MTCL1: variants seen among roughly 807,000 people sequenced by gnomAD.
MTCL1 encodes microtubule cross-linking factor 1.
Under a neutral mutation model 141.4 loss-of-function variants are expected in MTCL1, and 79 were observed. The observed-to-expected ratio is 0.56, with a 90% confidence interval of 0.47 to 0.67. The LOEUF (loss-of-function observed/expected upper bound fraction) is 0.67. Among genes scored for constraint, MTCL1 ranks in the 30% least tolerant of loss-of-function variants. The pLI is 0.00. For synonymous variants in MTCL1, 914 were observed against 875.8 expected (o/e 1.04, Z -0.77); for missense variants, 2,177 against 2,113.9 (o/e 1.03, Z -0.59).
At chr18:8,783,686 C>A (rs1383469959) in exon 6 of MTCL1, 4 of 1,610,694 alleles carry the variant, frequency 2.5e-6, no homozygotes, top group Non-Finnish European at 3.4e-6. Flanking sequence ...CAGTCCCCTG[C>A]CCACGGGGGA....
intron 10 of MTCL1, among the ~76,000 whole-genome samples, chr18:8,804,959 C>A (rs1598742406): frequency 6.8e-6 from 1 of 146,104 alleles, no homozygotes; most frequent in East Asian, 2.0e-4. Flanking sequence ...TGCATTCTAG[C>A]CTGGGTGACA....
At chr18:8,742,412 G>A (rs938685052) in intron 4 of MTCL1, among the ~76,000 whole-genome samples, 7 of 152,194 alleles carry the variant, frequency 4.6e-5, no homozygotes, top group Non-Finnish European at 8.8e-5. Flanking sequence ...GTTCCACATG[G>A]CTGGGGAGGC....
chr18:8,748,273 A>T lies in MTCL1; in HGVS notation c.357+27777A>T, dbSNP rs568645743. Reference sequence around the variant, plus strand: ...AGGTAGGTCTTCTTGAAGAGGCCTCACAACACTAAATATATTCGTATATTA... The same window carrying T: ...AGGTAGGTCTTCTTGAAGAGGCCTCTCAACACTAAATATATTCGTATATTA... On this transcript the variant is annotated intron_variant, in intron 4 of 16. Coordinates refer to ENST00000359865, the Ensembl canonical transcript of MTCL1. Among the ~76,000 whole-genome samples the T allele has an allele frequency of 2.6e-5, 4 of 152,256 alleles. No homozygotes were observed. The East Asian group carries it at 7.7e-4, about 29-fold the overall frequency.
At chr18:8,801,000 T>C (rs1234076964) in intron 10 of MTCL1, among the ~76,000 whole-genome samples, 1 of 152,130 alleles carries the variant, frequency 6.6e-6, no homozygotes, top group Admixed American at 6.5e-5. Flanking sequence ...CTTCACCTGC[T>C]ACAGGCCACT....
chr18:8,777,296 G>A (rs1054089071), intron 4 of MTCL1, among the ~76,000 whole-genome samples: 1 of 152,178 alleles, frequency 6.6e-6, no homozygotes, highest in Non-Finnish European at 1.5e-5. Flanking sequence ...TTATTACTCT[G>A]TTGTTCAGGC....
chr18:8,784,724 G>A (rs772290982), exon 6 of MTCL1: 12 of 1,614,198 alleles, frequency 7.4e-6, no homozygotes, highest in Middle Eastern at 3.3e-4. Flanking sequence ...CCGCATTGGG[G>A]ATGGCCTATC....
exon 9 of MTCL1, chr18:8,796,447 AGAG>A (rs2075922434): frequency 6.2e-7 from 1 of 1,614,158 alleles, no homozygotes. Flanking sequence ...AGGAGGAAGG[AGAG>A]GAGTTCACTG....
At position 8,706,583 on chromosome 18, in the gene MTCL1, C is replaced by T. The variant is rs773884596; in HGVS notation, c.923C>T (p.Pro308Leu). 8 of 1,492,580 alleles carry T rather than the reference C, an allele frequency of 5.4e-6. No homozygotes were observed. The South Asian group carries it at 6.4e-5, about 12-fold the overall frequency. 92.5% of individuals were successfully genotyped at this position (1,492,580 alleles called of 1,614,324 possible). ...GAGGATGTCCGGGGGCGCTCGCCAC[C>T]GGAGCGACCAGTCCCCGGGACCCCC... The change falls in exon 1 of 14, where the codon CCG becomes CTG. Residue 308 changes from proline to leucine, a missense_variant. Transcript: ENST00000306329.
chr18:8,707,015 G>GT, intron 1 of MTCL1: 1 of 331,496 alleles, frequency 3.0e-6, no homozygotes, highest in Non-Finnish European at 5.5e-6. Flanking sequence ...GGCTGTAATC[G>GT]TTTTGGGGAC....
At chr18:8,746,180 A>G (rs981792905) in intron 4 of MTCL1, among the ~76,000 whole-genome samples, 5 of 152,338 alleles carry the variant, frequency 3.3e-5, no homozygotes, top group Middle Eastern at 3.4e-3. Flanking sequence ...TCTGTTGTGA[A>G]TGAGCTGCTA....
chr18:8,728,828 G>A (rs536920521), intron 4 of MTCL1, among the ~76,000 whole-genome samples: 3 of 135,774 alleles, frequency 2.2e-5, no homozygotes, highest in South Asian at 4.9e-4. Context: ...TCCGCCTCCC[G>A]AGTTCAAGCG....
intron 5 of MTCL1, chr18:8,782,151 G>A (rs1207988822): frequency 6.6e-6 from 1 of 152,230 alleles, no homozygotes; most frequent in Non-Finnish European, 1.5e-5. Flanking sequence ...TGTAAAAGCT[G>A]CATTGTGAGC....
intron 16 of MTCL1, chr18:8,829,276 G>A: frequency 1.0e-6 from 1 of 985,448 alleles, no homozygotes; most frequent in Non-Finnish European, 1.2e-6. Context: ...CTGGCCAGGA[G>A]GGGACATCCT....
At chr18:8,832,236 G>T in exon 17 of MTCL1, 1 of 176,550 alleles carries the variant, frequency 5.7e-6, no homozygotes, top group South Asian at 1.2e-4. Flanking sequence ...AGTGGATTAA[G>T]TTAATTTTAT....
chr18:8,734,046 A>G (rs905119094), intron 4 of MTCL1, among the ~76,000 whole-genome samples: 1 of 152,166 alleles, frequency 6.6e-6, no homozygotes, highest in African/African-American at 2.4e-5. Flanking sequence ...TGGAAACATT[A>G]CAGGTGAGGG....
intron 4 of MTCL1, among the ~76,000 whole-genome samples, chr18:8,777,062 G>A (rs1046002118): frequency 7.9e-5 from 12 of 152,060 alleles, no homozygotes; most frequent in African/African-American, 2.4e-4. Context: ...GTGAAACCCC[G>A]TCTCTACTAA....
In MTCL1 at chr18:8,706,225, G is replaced by GCGGTGACCT. The variant is rs1194006925; in HGVS notation, c.571_579dup (p.Thr191_Val193dup). On this transcript the variant is annotated inframe_insertion, in exon 1 of 14. Transcript: ENST00000306329. ...CGCCCGGATCCCTGCCGTGACCCTC[G>GCGGTGACCT]CGGTGACCTCGGTGGCCGGGTCCCC... is the stretch of plus-strand genomic sequence containing the variant. 22 of 1,227,560 alleles carry GCGGTGACCT rather than the reference G, an allele frequency of 1.8e-5. No individual in the cohort carries two copies. In the Admixed American group the frequency reaches 5.1e-4, roughly 29 times the overall value. 76.0% of individuals were successfully genotyped at this position (1,227,560 alleles called of 1,614,324 possible). A position where few individuals can be genotyped will look rare whatever the true frequency, so the allele number is the denominator to read the frequency against.
intron 4 of MTCL1, among the ~76,000 whole-genome samples, chr18:8,769,835 G>C (rs1215519352): frequency 6.6e-6 from 1 of 152,124 alleles, no homozygotes; most frequent in Non-Finnish European, 1.5e-5. Context: ...TATAACATTT[G>C]TCCTCTAATA....
rs1407088804 is a variant in MTCL1, at chr18:8,720,426, TC to T, written c.289del (p.Arg97AspfsTer4). ...AAAGCTGAGGATGAAAACGAAACTC[TC>T]CGACAGCAGATGATTGAAGTGGAAA... On this transcript the variant is annotated frameshift_variant, in exon 4 of 17. Transcript: ENST00000359865. LOFTEE classifies it high-confidence loss of function. The T allele has an allele frequency of 6.2e-7, 1 of 1,614,090 alleles. No individual in the cohort carries two copies.
Sources: gnomAD v4.1 joint callset for allele counts (sites outside exome capture counted in the v4.1 genomes callset) on GRCh38, gnomAD v4.1.1 for gene constraint, MANE v1.5 for transcripts, NCBI Gene and HGNC (gene_info 2026-07-23, HGNC 2026-07-21) for gene names.